The following PCGF3 variants were observed in gnomAD, a reference collection of about 807,000 sequenced individuals.
PCGF3 encodes the protein polycomb group ring finger 3, also known as polycomb group RING finger protein 3.
PCGF3 carries 7 observed loss-of-function variants against 33.1 expected under a neutral mutation model. The observed-to-expected ratio is 0.21, with a 90% CI of 0.12 to 0.40. The LOEUF is 0.40. Ranked by LOEUF, PCGF3 falls within the 10% of genes least tolerant of loss-of-function variation. The pLI is 1.00. For missense variants in PCGF3, 211 were observed against 313.3 expected (o/e 0.67, Z 2.46); for synonymous variants, 153 against 121.3 (o/e 1.26, Z -1.72).
At chr4:767,872 A>G (rs1330382300) in exon 11 of PCGF3, 2 of 152,662 alleles carry the variant, frequency 1.3e-5, no homozygotes, top group Non-Finnish European at 2.9e-5. Flanking sequence ...CTCAAAATAC[A>G]CATACTGCTG....
chr4:734,305 T>TGA lies in PCGF3; in HGVS notation c.109+518_109+519dup, dbSNP rs574686782. On this transcript the variant is annotated intron_variant, in intron 4 of 10. Coordinates refer to ENST00000362003, the Ensembl canonical transcript of PCGF3. The stretch of plus-strand genomic sequence containing the variant: ...CTGAGGCTCGGCTCTTATGCTAACC[T>TGA]GAGGCCCCATGGCTGGCGGCCCTGC... 1,193 of 1,447,316 alleles carry TGA rather than the reference T, an allele frequency of 8.2e-4. 8 individuals carry two copies. In the African/African-American group the frequency reaches 0.015, roughly 18 times the overall value. 89.7% of individuals were successfully genotyped at this position (1,447,316 alleles called of 1,614,324 possible).
chr4:741,145 T>G (rs1384941163), intron 6 of PCGF3, among the ~76,000 whole-genome samples: 1 of 152,160 alleles, frequency 6.6e-6, no homozygotes, highest in African/African-American at 2.4e-5. Flanking sequence ...ATATCCCCAC[T>G]CACAGGAAAG....
chr4:733,640 C>G, intron 3 of PCGF3, 32 bp from the exon 4 acceptor site: 1 of 1,579,378 alleles, frequency 6.3e-7, no homozygotes, highest in Non-Finnish European at 8.6e-7. Flanking sequence ...GGAAGAGTTT[C>G]AGGTGTTAAT....
At chr4:709,078 C>T (rs972029321) in intron 1 of PCGF3, among the ~76,000 whole-genome samples, 1 of 152,196 alleles carries the variant, frequency 6.6e-6, no homozygotes, top group Non-Finnish European at 1.5e-5. Context: ...TGTCCTTTGA[C>T]TAGGGAAGGG....
Position 743,597 on chromosome 4 carries a change from C to A in PCGF3, c.373+13C>A. 3 of 1,487,900 alleles carry A rather than the reference C, an allele frequency of 2.0e-6. No individual in the cohort carries two copies. The highest frequency in any genetic ancestry group is 2.8e-6 in the Non-Finnish European group (3 of 1,065,376). The allele number at this position is 1,487,900 out of a possible 1,614,324, so 92.2% of individuals were successfully genotyped here. A position where few individuals can be genotyped will look rare whatever the true frequency, so the allele number is the denominator to read the frequency against. On this transcript the variant is annotated intron_variant, in intron 7 of 10. Coordinates refer to ENST00000362003, the Ensembl canonical transcript of PCGF3. ...TCCCATCGGAATGGTGAGTGCCCTGCGTGCCCATCCAGAAGCCCCGGGAAT... is the reference window on the plus strand; with the variant it reads ...TCCCATCGGAATGGTGAGTGCCCTGAGTGCCCATCCAGAAGCCCCGGGAAT...
intron 1 of PCGF3, among the ~76,000 whole-genome samples, chr4:716,040 C>T (rs1487319568): frequency 1.2e-4 from 15 of 128,738 alleles, no homozygotes; most frequent in East Asian, 2.5e-4. Flanking sequence ...GAGAACTGGG[C>T]GTCGGTGCTG....
At chr4:726,846 C>T (rs972737635) in intron 1 of PCGF3, among the ~76,000 whole-genome samples, 17 of 152,204 alleles carry the variant, frequency 1.1e-4, no homozygotes, top group African/African-American at 4.1e-4. Context: ...ACCCCCTGTC[C>T]AGTTTCATGG....
intron 8 of PCGF3, among the ~76,000 whole-genome samples, chr4:750,873 C>T (rs757877101): frequency 2.0e-5 from 3 of 151,190 alleles, no homozygotes; most frequent in Non-Finnish European, 2.9e-5. Context: ...AGTGTGTTTT[C>T]GCTCTAACCC....
intron 8 of PCGF3, among the ~76,000 whole-genome samples, chr4:751,947 C>T (rs1184030532): frequency 6.6e-6 from 1 of 152,284 alleles, no homozygotes; most frequent in African/African-American, 2.4e-5. Flanking sequence ...CCTCCTGGGA[C>T]TGGTGGCTCC....
intron 5 of PCGF3, 125 bp from the exon 6 acceptor site, chr4:737,341 A>G (rs1743880111): frequency 5.9e-6 from 4 of 683,562 alleles, no homozygotes; most frequent in Non-Finnish European, 1.0e-5. Context: ...TGTGTAAACT[A>G]GAAGTAAAAT....
At chr4:710,562 G>A (rs974965835) in intron 1 of PCGF3, among the ~76,000 whole-genome samples, 3 of 152,242 alleles carry the variant, frequency 2.0e-5, no homozygotes, top group Admixed American at 6.5e-5. Context: ...CAGCGATTGC[G>A]TGTGGAGTGA....
chr4:718,783 C>T (rs1029887776), intron 1 of PCGF3, among the ~76,000 whole-genome samples: 2 of 152,136 alleles, frequency 1.3e-5, no homozygotes, highest in South Asian at 2.1e-4. Context: ...TTTGTGGCCA[C>T]GGTAGGGGCT....
chr4:708,255 T>C (rs1242511816), intron 1 of PCGF3, among the ~76,000 whole-genome samples: 1 of 152,060 alleles, frequency 6.6e-6, no homozygotes, highest in Non-Finnish European at 1.5e-5. Flanking sequence ...AAGGCTAGGC[T>C]CTCAAAGAGG....
intron 8 of PCGF3, among the ~76,000 whole-genome samples, chr4:760,755 C>T (rs746830763): frequency 3.3e-5 from 5 of 152,236 alleles, no homozygotes; most frequent in East Asian, 1.9e-4. Flanking sequence ...GCAGGGAGCC[C>T]GTGGCTGCTG....
chr4:707,715 A>ACAGTGAGAAGG (rs1344925226), intron 1 of PCGF3, among the ~76,000 whole-genome samples: 1 of 123,288 alleles, frequency 8.1e-6, no homozygotes, highest in African/African-American at 3.0e-5. Flanking sequence ...ACCCTGAGAC[A>ACAGTGAGAAGG]GCTCTGTTTT....
At chr4:726,324 G>T (rs914471548) in intron 1 of PCGF3, among the ~76,000 whole-genome samples, 3 of 152,224 alleles carry the variant, frequency 2.0e-5, no homozygotes, top group Non-Finnish European at 4.4e-5. Context: ...GGTGAATATC[G>T]TGCGGCCCCA....
At chr4:763,537 G>A (rs200521400) in intron 9 of PCGF3, among the ~76,000 whole-genome samples, 39 of 152,220 alleles carry the variant, frequency 2.6e-4, no homozygotes, top group African/African-American at 8.7e-4. Context: ...GGCACCACGC[G>A]TACCCCATAG....
intron 5 of PCGF3, among the ~76,000 whole-genome samples, chr4:735,626 G>A (rs1316741108): frequency 6.6e-6 from 1 of 152,256 alleles, no homozygotes; most frequent in Admixed American, 6.5e-5. Context: ...GTTTTACGCA[G>A]AATTTGCTGA....
intron 5 of PCGF3, 135 bp from the exon 6 acceptor site, chr4:737,331 T>C (rs1484272705): frequency 1.1e-5 from 7 of 655,832 alleles, no homozygotes; most frequent in Admixed American, 7.2e-5. Flanking sequence ...CATTTTTTCA[T>C]GTGTAAACTA....
Sources: allele counts gnomAD v4.1 joint callset (sites outside exome capture counted in the v4.1 genomes callset), GRCh38; gene constraint gnomAD v4.1.1; transcripts MANE v1.5; gene names NCBI Gene and HGNC (gene_info 2026-07-23, HGNC 2026-07-21).